Variants in GUCY1A2 observed in about 807,000 individuals in gnomAD.
The protein encoded by GUCY1A2 is guanylate cyclase 1 soluble subunit alpha 2.
Under a neutral mutation model 63.5 loss-of-function variants are expected in GUCY1A2, and 27 were observed. The ratio of observed to expected loss-of-function variants is 0.43; its 90% CI spans 0.31 to 0.59. GUCY1A2 has a LOEUF of 0.59. Ranked by LOEUF, GUCY1A2 falls within the 20% of genes least tolerant of loss-of-function variation. GUCY1A2 has a pLI of 0.11. For missense variants in GUCY1A2, 768 were observed against 913.3 expected, an observed-to-expected ratio of 0.84 and a Z score of 2.05; for synonymous variants, 364 against 343.5, an observed-to-expected ratio of 1.06 and a Z score of -0.66.
chr11:106,911,297 C>T (rs1304225621), intron 4 of GUCY1A2, among the ~76,000 whole-genome samples: 1 of 152,022 alleles, frequency 6.6e-6, no homozygotes, highest in African/African-American at 2.4e-5. Context: ...AGAGAAAATT[C>T]TTGATGATCC....
intron 4 of GUCY1A2, among the ~76,000 whole-genome samples, chr11:106,924,938 T>TC (rs1309914629): frequency 6.6e-6 from 1 of 151,788 alleles, no homozygotes; most frequent in Admixed American, 6.6e-5. Context: ...GCTGGGGAGG[T>TC]CGAGGCTGCA....
In GUCY1A2 at chr11:106,776,544, C is replaced by T; in HGVS notation, c.1731G>A (p.Gly577=). The T allele has an allele frequency of 1.2e-6, 2 of 1,613,368 alleles. No individual in the cohort carries two copies. The highest frequency in any genetic ancestry group is 1.7e-6 in the Non-Finnish European group (2 of 1,179,298). The change falls in exon 6 of 8, where the codon GGG becomes GGA. Residue 577 remains glycine, a synonymous_variant. Transcript: ENST00000526355. ...CATGGCAGAGGCTTTTTCTGTGGAGCCCTGCTGCAACACAGTAGGCATCAC... is the reference window on the plus strand; with the variant it reads ...CATGGCAGAGGCTTTTTCTGTGGAGTCCTGCTGCAACACAGTAGGCATCAC... ...TIGDAYCVAA[G]LHRKSLCHAK...
At chr11:106,878,853 T>C (rs1859787255) in intron 4 of GUCY1A2, among the ~76,000 whole-genome samples, 1 of 151,400 alleles carries the variant, frequency 6.6e-6, no homozygotes, top group African/African-American at 2.4e-5. Flanking sequence ...CTTCCAGAAG[T>C]AATGCAGCTC....
At chr11:106,699,885 C>T (rs1263542647) in intron 7 of GUCY1A2, among the ~76,000 whole-genome samples, 1 of 151,880 alleles carries the variant, frequency 6.6e-6, no homozygotes, top group African/African-American at 2.4e-5. Flanking sequence ...AGGTTCACGC[C>T]ATTCTCCTGC....
intron 4 of GUCY1A2, among the ~76,000 whole-genome samples, chr11:106,874,202 C>T (rs1018716203): frequency 2.9e-4 from 44 of 152,084 alleles, no homozygotes; most frequent in Non-Finnish European, 4.3e-4. Context: ...TTATATAGTG[C>T]ACTCTCCCAC....
At chr11:106,810,570 G>C (rs1207075440) in intron 4 of GUCY1A2, 92 bp from the exon 5 acceptor site, 21 of 1,096,014 alleles carry the variant, frequency 1.9e-5, no homozygotes, top group African/African-American at 3.2e-5. Context: ...AAGAAAAAAT[G>C]TTTTATTAGC....
intron 4 of GUCY1A2, among the ~76,000 whole-genome samples, chr11:106,856,105 A>AT (rs142419502): frequency 4.7e-4 from 68 of 146,096 alleles, no homozygotes; most frequent in South Asian, 1.9e-3. Context: ...TTTTTTTTGT[A>AT]TTTTTTTTTT....
intron 3 of GUCY1A2, among the ~76,000 whole-genome samples, chr11:106,957,890 C>CCA (rs1335563341): frequency 5.6e-4 from 17 of 30,416 alleles, no homozygotes; most frequent in Non-Finnish European, 1.2e-3. Flanking sequence ...TTTTTTTTTT[C>CCA]AGAAAAAAAA....
intron 6 of GUCY1A2, among the ~76,000 whole-genome samples, chr11:106,733,396 C>A (rs1189390980): frequency 6.6e-6 from 1 of 152,068 alleles, no homozygotes; most frequent in Non-Finnish European, 1.5e-5. Flanking sequence ...ATGTTGGTAC[C>A]AGACTGTAAG....
At chr11:106,894,756 A>AGTGAAATTTT (rs1489265980) in intron 4 of GUCY1A2, among the ~76,000 whole-genome samples, 1 of 152,184 alleles carries the variant, frequency 6.6e-6, no homozygotes, top group African/African-American at 2.4e-5. Flanking sequence ...TTTGTGATTC[A>AGTGAAATTTT]GTGAAAGAGT....
chr11:106,742,710 G>A (rs1863716195), intron 6 of GUCY1A2, among the ~76,000 whole-genome samples: 1 of 152,156 alleles, frequency 6.6e-6, no homozygotes, highest in Admixed American at 6.5e-5. Context: ...ATCCAGTAAT[G>A]GGATTTCTGG....
chr11:106,846,862 C>T (rs1466901692), intron 4 of GUCY1A2, among the ~76,000 whole-genome samples: 1 of 151,192 alleles, frequency 6.6e-6, no homozygotes, highest in South Asian at 2.1e-4. Flanking sequence ...AAATGGCACA[C>T]CATGTATCAG....
At chr11:106,976,015 C>G (rs906280559) in intron 3 of GUCY1A2, among the ~76,000 whole-genome samples, 1 of 152,116 alleles carries the variant, frequency 6.6e-6, no homozygotes, top group Non-Finnish European at 1.5e-5. Context: ...AGAAAAATTG[C>G]TACTATGATC....
intron 1 of GUCY1A2, among the ~76,000 whole-genome samples, chr11:106,993,225 G>A (rs370218309): frequency 6.6e-6 from 1 of 152,152 alleles, no homozygotes; most frequent in East Asian, 1.9e-4. Context: ...GTCACAAAGT[G>A]GAGATCACCA....
At chr11:106,864,862 T>C (rs1448070558) in intron 4 of GUCY1A2, among the ~76,000 whole-genome samples, 3 of 152,118 alleles carry the variant, frequency 2.0e-5, no homozygotes, top group East Asian at 1.9e-4. Flanking sequence ...ATCAGGGATA[T>C]TGGCCTGAAG....
intron 1 of GUCY1A2, among the ~76,000 whole-genome samples, chr11:106,993,539 A>T (rs1369829472): frequency 1.2e-5 from 1 of 80,082 alleles, no homozygotes; most frequent in African/African-American, 2.9e-5. Flanking sequence ...AATAAAAAAT[A>T]AAAAAAAGAC....
chr11:106,758,183 C>A (rs1332562568), intron 6 of GUCY1A2, among the ~76,000 whole-genome samples: 1 of 152,200 alleles, frequency 6.6e-6, no homozygotes, highest in Non-Finnish European at 1.5e-5. Context: ...GTGATGGACG[C>A]CCCTCCCCAC....
At chr11:106,870,107 A>AG (rs536416669) in intron 4 of GUCY1A2, among the ~76,000 whole-genome samples, 8,736 of 43,784 alleles carry the variant, frequency 0.2, 463 homozygotes, top group East Asian at 0.32. Flanking sequence ...GCCTCTTGTG[A>AG]GGGGGGGGGA....
chr11:106,918,331 C>T (rs1405387050), intron 4 of GUCY1A2, among the ~76,000 whole-genome samples: 1 of 145,640 alleles, frequency 6.9e-6, no homozygotes, highest in African/African-American at 2.4e-5. Context: ...GAATGCAGCA[C>T]TTGGCAACTG....
Sources: allele counts gnomAD v4.1 joint callset (sites outside exome capture counted in the v4.1 genomes callset), GRCh38; gene constraint gnomAD v4.1.1; transcripts MANE v1.5; gene names NCBI Gene and HGNC (gene_info 2026-07-23, HGNC 2026-07-21).